The following MIPOL1 variants were observed in gnomAD, a reference collection of about 807,000 sequenced individuals.
MIPOL1 encodes the protein mirror-image polydactyly 1, also known as mirror-image polydactyly gene 1 protein.
MIPOL1 carries 57 observed loss-of-function variants against 60.9 expected under a neutral mutation model. The observed-to-expected ratio is 0.94, with a 90% confidence interval of 0.76 to 1.17. MIPOL1 has a LOEUF of 1.17. MIPOL1 is among the 50% of genes most tolerant of loss of function. MIPOL1 has a pLI of 0.00. For missense variants in MIPOL1, 551 were observed against 511.6 expected (o/e 1.08, Z -0.74); for synonymous variants, 179 against 168.8 (o/e 1.06, Z -0.47).
intron 3 of MIPOL1, chr14:37,265,168 A>C (rs779023635): frequency 3.9e-5 from 6 of 152,014 alleles, no homozygotes; most frequent in Non-Finnish European, 7.4e-5. Context: ...ATAGTCTATT[A>C]ACTTTTTATT....
intron 12 of MIPOL1, among the ~76,000 whole-genome samples, chr14:37,510,427 A>G (rs909170591): frequency 2.0e-5 from 3 of 151,860 alleles, no homozygotes; most frequent in Non-Finnish European, 2.9e-5. Flanking sequence ...GGTAGAGATG[A>G]GGTTTTATCA....
intron 9 of MIPOL1, among the ~76,000 whole-genome samples, chr14:37,362,592 T>A (rs2092313691): frequency 1.3e-5 from 2 of 152,162 alleles, no homozygotes; most frequent in African/African-American, 2.4e-5. Flanking sequence ...TGTCTTGGGG[T>A]TGCTCTTCTC....
rs115822581 is a variant in MIPOL1, at chr14:37,365,817, G to A, written c.829-3700G>A. Among the ~76,000 whole-genome samples the A allele has an allele frequency of 5.5e-3, 840 of 152,132 alleles. 12 individuals carry two copies. Among genetic ancestry groups the A allele is most frequent in the African/African-American group, 0.019 (787 of 41,526 alleles). On this transcript the variant is annotated intron_variant, in intron 9 of 12. Coordinates refer to ENST00000684589, the MANE Select transcript of MIPOL1 (RefSeq NM_001388067.1). ...TTCTATAAATATTTATTAGAATTCA[G>A]TAGTGAAGCCATCAGGTCCAAGGCT...
chr14:37,453,460 GA>G (rs1183818488), intron 11 of MIPOL1, among the ~76,000 whole-genome samples: 1 of 151,932 alleles, frequency 6.6e-6, no homozygotes, highest in Non-Finnish European at 1.5e-5. Context: ...ATCATGTTTT[GA>G]AAAACAAAAG....
At chr14:37,357,423 A>T (rs1259753839) in intron 9 of MIPOL1, among the ~76,000 whole-genome samples, 1 of 151,894 alleles carries the variant, frequency 6.6e-6, no homozygotes, top group East Asian at 2.0e-4. Context: ...ATTTGTTATT[A>T]CTTGTCTTTT....
intron 10 of MIPOL1, among the ~76,000 whole-genome samples, chr14:37,375,436 C>T (rs1415041822): frequency 2.0e-5 from 3 of 151,990 alleles, no homozygotes; most frequent in African/African-American, 4.8e-5. Flanking sequence ...CATTCCGCTT[C>T]GACCTCCCAC....
At position 37,263,130 on chromosome 14, in the gene MIPOL1, A is replaced by G. The variant is rs181382469; in HGVS notation, c.20-3808A>G. Among the ~76,000 whole-genome samples, 8 of 152,338 alleles carry G rather than the reference A, an allele frequency of 5.3e-5. No homozygotes were observed. In the East Asian group the frequency reaches 1.5e-3, roughly 29 times the overall value. On this transcript the variant is annotated intron_variant, in intron 3 of 12. Coordinates refer to ENST00000684589, the MANE Select transcript of MIPOL1 (RefSeq NM_001388067.1). ...AGGGAATCTCAAAGCTTTCTTTCCT[A>G]GAATAGGCAATGGTATTGTAACACT...
intron 7 of MIPOL1, among the ~76,000 whole-genome samples, chr14:37,286,043 C>T (rs1271024467): frequency 3.9e-5 from 6 of 152,138 alleles, no homozygotes; most frequent in Non-Finnish European, 7.4e-5. Context: ...ATATGTGACT[C>T]CTCTTTTTAT....
intron 12 of MIPOL1, among the ~76,000 whole-genome samples, chr14:37,510,142 C>T (rs1322630245): frequency 2.6e-5 from 4 of 151,960 alleles, no homozygotes; most frequent in Non-Finnish European, 5.9e-5. Flanking sequence ...CTTATATATA[C>T]ACACATCTAT....
rs139669626 is a variant in MIPOL1 at position 37,499,974 on chromosome 14, T to C, written c.1098T>C (p.Tyr366=). The part of the protein sequence containing the change: ...KDQFNYTLST[Y]EEALKNRENI... The stretch of plus-strand genomic sequence containing the variant: ...AGTTTAACTATACCCTTAGTACATA[T>C]GAAGAAGCTTTAAAAAACAGAGAGA... Residue 366 remains tyrosine, a synonymous_variant, in exon 12 of 13, where the codon TAT becomes TAC. Transcript: ENST00000684589. The C allele has an allele frequency of 6.2e-6, 10 of 1,613,164 alleles. No individual in the cohort carries two copies. The African/African-American group carries it at 8.0e-5, about 13-fold the overall frequency.
chr14:37,459,856 G>A (rs1369320046), intron 11 of MIPOL1, among the ~76,000 whole-genome samples: 3 of 152,068 alleles, frequency 2.0e-5, no homozygotes, highest in South Asian at 2.1e-4. Flanking sequence ...GGGCAGATAA[G>A]TTGAGGTCAG....
intron 12 of MIPOL1, among the ~76,000 whole-genome samples, chr14:37,540,766 C>T (rs1321197637): frequency 1.3e-5 from 2 of 152,178 alleles, no homozygotes; most frequent in Non-Finnish European, 2.9e-5. Flanking sequence ...TTACCAAGAA[C>T]ACTTTTTTAC....
intron 11 of MIPOL1, among the ~76,000 whole-genome samples, chr14:37,472,288 T>A (rs971655346): frequency 6.6e-6 from 1 of 152,160 alleles, no homozygotes; most frequent in Non-Finnish European, 1.5e-5. Flanking sequence ...ATTGGCCCTA[T>A]GTAAGAACAA....
At chr14:37,369,780 T>C in intron 10 of MIPOL1, 156 bp downstream of exon 10, 1 of 452,118 alleles carries the variant, frequency 2.2e-6, no homozygotes, top group Non-Finnish European at 4.0e-6. Context: ...CACCCTTTTG[T>C]TATGGTATTA....
chr14:37,374,365 C>T (rs1453769271), intron 10 of MIPOL1, among the ~76,000 whole-genome samples: 2 of 152,082 alleles, frequency 1.3e-5, no homozygotes, highest in South Asian at 2.1e-4. Flanking sequence ...GTTTCTTTTG[C>T]CGTGCAGAAG....
chr14:37,545,070 T>C (rs1384354981), intron 12 of MIPOL1, among the ~76,000 whole-genome samples: 1 of 152,204 alleles, frequency 6.6e-6, no homozygotes, highest in African/African-American at 2.4e-5. Context: ...GAAAAAGGTT[T>C]TATCACTAGT....
At chr14:37,321,834 T>C (rs911710610) in intron 9 of MIPOL1, among the ~76,000 whole-genome samples, 1 of 152,008 alleles carries the variant, frequency 6.6e-6, no homozygotes, top group African/African-American at 2.4e-5. Context: ...CTTTTATTTC[T>C]GGTAATACTT....
chr14:37,336,302 T>C (rs1411166451), intron 9 of MIPOL1, among the ~76,000 whole-genome samples: 1 of 151,172 alleles, frequency 6.6e-6, no homozygotes, highest in Non-Finnish European at 1.5e-5. Flanking sequence ...ATCACACTGT[T>C]TTAATTACTA....
At chr14:37,417,557 T>C (rs2093793287) in intron 10 of MIPOL1, among the ~76,000 whole-genome samples, 1 of 152,268 alleles carries the variant, frequency 6.6e-6, no homozygotes, top group Non-Finnish European at 1.5e-5. Flanking sequence ...CTTTTGAAAA[T>C]AGCTTTTAAC....
Sources: allele counts gnomAD v4.1 joint callset (sites outside exome capture counted in the v4.1 genomes callset), GRCh38; gene constraint gnomAD v4.1.1; transcripts MANE v1.5; gene names NCBI Gene and HGNC (gene_info 2026-07-23, HGNC 2026-07-21).